Variants in FRMPD4 observed in about 807,000 individuals in gnomAD.
FRMPD4 encodes the protein FERM and PDZ domain containing 4, also known as FERM and PDZ domain-containing protein 4.
FRMPD4 carries 22 observed loss-of-function variants against 94.1 expected under a neutral mutation model. The observed-to-expected ratio is 0.23, with a 90% CI of 0.17 to 0.33. The LOEUF (loss-of-function observed/expected upper bound fraction) is 0.33, where lower values mean the gene tolerates loss of function less well. Ranked by LOEUF, FRMPD4 falls within the 10% of genes least tolerant of loss-of-function variation. The probability of loss-of-function intolerance (pLI) is 1.00; values close to 1 mark genes in which losing one functional copy is unlikely to be tolerated. For missense variants in FRMPD4, 1,111 were observed against 1,339.9 expected, an observed-to-expected ratio of 0.83 and a Z score of 2.67; for synonymous variants, 631 against 548.6, an observed-to-expected ratio of 1.15 and a Z score of -2.10.
intron 2 of FRMPD4, among the ~76,000 whole-genome samples, chrX:12,578,399 T>A (rs2058831979): frequency 8.9e-6 from 1 of 111,869 alleles, no homozygotes; most frequent in Non-Finnish European, 1.9e-5. Flanking sequence ...CAGTGGGTCA[T>A]TATCAGATCT....
intron 1 of FRMPD4, among the ~76,000 whole-genome samples, chrX:12,270,317 G>A (rs1003578474): frequency 2.7e-5 from 3 of 111,310 alleles, no homozygotes; most frequent in African/African-American, 9.8e-5. Flanking sequence ...GATGAACTGT[G>A]TAATTGAGCC....
chrX:12,630,604 A>G (rs1274472705), intron 4 of FRMPD4, among the ~76,000 whole-genome samples: 3 of 112,401 alleles, frequency 2.7e-5, no homozygotes, highest in Non-Finnish European at 3.8e-5. Context: ...GATAGGAAAA[A>G]TAATAAGCAA....
intron 8 of FRMPD4, among the ~76,000 whole-genome samples, chrX:12,691,261 TTTG>T (rs764854288): frequency 2.1e-4 from 23 of 111,015 alleles, no homozygotes; most frequent in Admixed American, 1.2e-3. Context: ...TGGGGTTTTT[TTTG>T]TTGTTGTTGT....
intron 1 of FRMPD4, among the ~76,000 whole-genome samples, chrX:12,362,179 T>TG (rs61325836): frequency 9.1e-5 from 2 of 21,937 alleles, no homozygotes; most frequent in East Asian, 1.8e-3. Context: ...CTGACGATTC[T>TG]TTTTTTTTTT....
intron 1 of FRMPD4, among the ~76,000 whole-genome samples, chrX:12,410,329 C>T (rs979116606): frequency 2.7e-5 from 3 of 111,493 alleles, no homozygotes; most frequent in Non-Finnish European, 5.7e-5. Flanking sequence ...TTGCATAAAT[C>T]TTTTTGTGCT....
At chrX:12,453,943 T>C (rs1454980565) in intron 1 of FRMPD4, among the ~76,000 whole-genome samples, 1 of 112,572 alleles carries the variant, frequency 8.9e-6, no homozygotes, top group African/African-American at 3.2e-5. Context: ...TCTTCTGTTT[T>C]ATCGTGAAGG....
intron 1 of FRMPD4, among the ~76,000 whole-genome samples, chrX:12,380,426 ATCT>A (rs1303271680): frequency 2.7e-5 from 3 of 112,381 alleles, no homozygotes; most frequent in Non-Finnish European, 5.6e-5. Flanking sequence ...AAGTGTTATT[ATCT>A]TCTTACCTTT....
chrX:12,669,756 TGAAG>T (rs1720125199), intron 4 of FRMPD4, among the ~76,000 whole-genome samples: 1 of 111,661 alleles, frequency 9.0e-6, no homozygotes, highest in South Asian at 3.8e-4. Flanking sequence ...GTTTTGAAGA[TGAAG>T]GAAGGGACCA....
chrX:12,191,775 T>C (rs975623597), intron 1 of FRMPD4, among the ~76,000 whole-genome samples: 1 of 111,632 alleles, frequency 9.0e-6, no homozygotes, highest in Non-Finnish European at 1.9e-5. Flanking sequence ...CAGAGGGTTT[T>C]TAGGGCAGTG....
At chrX:12,643,617 G>A (rs1257098045) in intron 4 of FRMPD4, among the ~76,000 whole-genome samples, 2 of 111,439 alleles carry the variant, frequency 1.8e-5, no homozygotes, top group African/African-American at 6.5e-5. Flanking sequence ...AGGATCAGTA[G>A]GATTTAGCAT....
At chrX:11,882,928 T>C (rs1039887443) in intron 3 of FRMPD4, among the ~76,000 whole-genome samples, 1 of 111,704 alleles carries the variant, frequency 9.0e-6, no homozygotes, top group East Asian at 2.8e-4. Context: ...CCTAGAGAAC[T>C]CTTTGGCAAC....
Position 11,951,059 on chromosome X carries a change from CAAAAAAAAA to C in FRMPD4, c.95+73054_95+73062del, listed in dbSNP as rs35673540. Among the ~76,000 whole-genome samples, 4 of 32,345 alleles carry C rather than the reference CAAAAAAAAA, an allele frequency of 1.2e-4. No homozygotes were observed. In the East Asian group the frequency reaches 2.6e-3, roughly 21 times the overall value. 28.1% of individuals were successfully genotyped at this position (32,345 alleles called of 115,157 possible). A position where few individuals can be genotyped will look rare whatever the true frequency, so the allele number is the denominator to read the frequency against. On this transcript the variant is annotated intron_variant, in intron 3 of 18. Coordinates refer to the FRMPD4 transcript ENST00000640291. ...TGGCAACAAGAGTGAAACTCCATCT[CAAAAAAAAA>C]AAAAAAAAAAAAGGAAAAAAACAAC...
Position 12,716,620 on chromosome X carries a change from G to A in FRMPD4, c.2161G>A (p.Asp721Asn), listed in dbSNP as rs147167664. Residue 721 changes from aspartate (D) to asparagine (N), a missense_variant, in exon 15 of 17, where the codon GAT becomes AAT. By Grantham distance (23) the Asp-to-Asn change is conservative (BLOSUM62 1). This residue lies in a region of FRMPD4 where 192 missense variants were observed against 192.5 expected (regional missense o/e 1.00). Transcript: ENST00000675598. ...VENSVYANIG[D>N]VKSFQAAEGI... Reference sequence around the variant, plus strand: ...AAATTCTGTTTATGCAAACATAGGCGATGTGAAGAGCTTCCAGGCCGCGGA... The same window carrying A: ...AAATTCTGTTTATGCAAACATAGGCAATGTGAAGAGCTTCCAGGCCGCGGA... 1.4e-5 allele frequency: 17 copies of A among 1,209,433 alleles called. No homozygotes were observed. Among genetic ancestry groups the A allele is most frequent in the African/African-American group, 1.0e-4 (6 of 57,148 alleles).
chrX:12,164,907 T>G (rs1234078134), intron 1 of FRMPD4, among the ~76,000 whole-genome samples: 1 of 112,528 alleles, frequency 8.9e-6, no homozygotes, highest in Non-Finnish European at 1.9e-5. Flanking sequence ...TTTGTTTTTT[T>G]CTTGTAAATT....
chrX:11,985,817 G>A (rs1184633379), intron 3 of FRMPD4, among the ~76,000 whole-genome samples: 1 of 112,236 alleles, frequency 8.9e-6, no homozygotes, highest in Non-Finnish European at 1.9e-5. Context: ...CCCATGGAAA[G>A]GGAAGGGAAA....
chrX:11,943,110 A>G (rs6640829), intron 3 of FRMPD4, among the ~76,000 whole-genome samples: 39,289 of 110,885 alleles, frequency 0.35, 5,499 homozygotes, highest in East Asian at 0.82. Context: ...ACAAACAGGC[A>G]CATCTTGATT....
intron 1 of FRMPD4, among the ~76,000 whole-genome samples, chrX:11,850,610 T>C (rs781155761): frequency 8.9e-6 from 1 of 112,531 alleles, no homozygotes; most frequent in Admixed American, 9.4e-5. Flanking sequence ...AGTGGATTAT[T>C]ATTCAGTCTT....
chrX:11,933,749 G>A (rs2054134926), intron 3 of FRMPD4, among the ~76,000 whole-genome samples: 1 of 111,869 alleles, frequency 8.9e-6, no homozygotes, highest in African/African-American at 3.2e-5. Flanking sequence ...CTGGCTTTGT[G>A]GGGTTTTTTT....
intron 14 of FRMPD4, among the ~76,000 whole-genome samples, chrX:12,715,697 C>A (rs980425659): frequency 8.9e-6 from 1 of 112,220 alleles, no homozygotes; most frequent in Admixed American, 9.4e-5. Context: ...CTATTGAAAT[C>A]TCACCTTTAA....
Sources: allele counts gnomAD v4.1 joint callset (sites outside exome capture counted in the v4.1 genomes callset), GRCh38; gene constraint gnomAD v4.1.1; regional missense constraint gnomAD v4.1.1; transcripts MANE v1.5; gene names NCBI Gene and HGNC (gene_info 2026-07-23, HGNC 2026-07-21).